GUCY1A2: variants seen among roughly 807,000 people sequenced by gnomAD.
The protein encoded by GUCY1A2 is guanylate cyclase 1 soluble subunit alpha 2.
GUCY1A2 carries 27 observed loss-of-function variants against 63.5 expected under a neutral mutation model. The observed-to-expected ratio is 0.43, with a 90% CI of 0.31 to 0.59. GUCY1A2 has a LOEUF of 0.59. Ranked by LOEUF, GUCY1A2 falls within the 20% of genes least tolerant of loss-of-function variation. The pLI is 0.11. For synonymous variants in GUCY1A2, 364 were observed against 343.5 expected, an observed-to-expected ratio of 1.06 and a Z score of -0.66; for missense variants, 768 against 913.3, an observed-to-expected ratio of 0.84 and a Z score of 2.05.
intron 6 of GUCY1A2, among the ~76,000 whole-genome samples, chr11:106,717,186 C>G (rs1863231495): frequency 6.6e-6 from 1 of 152,202 alleles, no homozygotes; most frequent in African/African-American, 2.4e-5. Flanking sequence ...AAAAGATACT[C>G]TAGCTGTGTG....
At chr11:106,962,179 G>A (rs2120065553) in intron 3 of GUCY1A2, among the ~76,000 whole-genome samples, 1 of 152,214 alleles carries the variant, frequency 6.6e-6, no homozygotes, top group Admixed American at 6.5e-5. Flanking sequence ...CCTATTAACA[G>A]GACTAGATTC....
chr11:106,964,825 A>G (rs1277400781), intron 3 of GUCY1A2, among the ~76,000 whole-genome samples: 1 of 151,874 alleles, frequency 6.6e-6, no homozygotes, highest in East Asian at 1.9e-4. Context: ...TAAAAATACG[A>G]AAAAATTAGC....
intron 4 of GUCY1A2, among the ~76,000 whole-genome samples, chr11:106,933,850 G>A (rs1860639544): frequency 6.6e-6 from 1 of 152,110 alleles, no homozygotes; most frequent in Admixed American, 6.6e-5. Flanking sequence ...ACAAACACAG[G>A]AACGGAAAAC....
intron 6 of GUCY1A2, among the ~76,000 whole-genome samples, chr11:106,732,750 G>A (rs1565162): frequency 0.85 from 129,827 of 152,140 alleles, 55,525 homozygotes; most frequent in East Asian, 0.99. Flanking sequence ...ATTAAGGAAT[G>A]AAATATGATT....
At chr11:106,768,457 C>A (rs760511713) in intron 6 of GUCY1A2, among the ~76,000 whole-genome samples, 1 of 151,970 alleles carries the variant, frequency 6.6e-6, no homozygotes, top group Non-Finnish European at 1.5e-5. Context: ...ATGGAATATT[C>A]AAGGCAATAG....
rs1199876747 is a variant in GUCY1A2 at position 106,678,874 on chromosome 11, C to A, written c.*8675G>T. 1.6e-5 allele frequency: 3 copies of A among 189,130 alleles called. No individual in the cohort carries two copies. The highest frequency in any genetic ancestry group is 3.3e-5 in the Non-Finnish European group (3 of 89,958). 11.7% of individuals were successfully genotyped at this position (189,130 alleles called of 1,614,324 possible). On this transcript the variant is annotated 3_prime_UTR_variant, in exon 8 of 8. Transcript: ENST00000526355. ...TCAATGCCACAATTTTTAAGTCTGT[C>A]ATATTTATGACTTTTTTTCTGTAAC...
At chr11:106,878,325 G>A (rs1859779050) in intron 4 of GUCY1A2, among the ~76,000 whole-genome samples, 1 of 151,962 alleles carries the variant, frequency 6.6e-6, no homozygotes, top group Admixed American at 6.6e-5. Context: ...AGGACACAAG[G>A]AACATCTATG....
chr11:106,971,219 A>ATCTG (rs147769123), intron 3 of GUCY1A2, among the ~76,000 whole-genome samples: 1 of 149,162 alleles, frequency 6.7e-6, no homozygotes, highest in Non-Finnish European at 1.5e-5. Context: ...ACAAATTTAA[A>ATCTG]TGTGTGTGTG....
At chr11:106,993,731 G>A (rs1861500817) in intron 1 of GUCY1A2, among the ~76,000 whole-genome samples, 1 of 152,062 alleles carries the variant, frequency 6.6e-6, no homozygotes, top group African/African-American at 2.4e-5. Context: ...AGTTCTCAGG[G>A]TCATCTTCAA....
At chr11:106,702,146 C>T (rs1285036206) in intron 7 of GUCY1A2, among the ~76,000 whole-genome samples, 1 of 152,094 alleles carries the variant, frequency 6.6e-6, no homozygotes, top group Non-Finnish European at 1.5e-5. Flanking sequence ...AGAACTCACA[C>T]TCTTGCTGTA....
At chr11:106,773,590 G>C (rs1422273711) in intron 6 of GUCY1A2, among the ~76,000 whole-genome samples, 1 of 152,178 alleles carries the variant, frequency 6.6e-6, no homozygotes, top group Non-Finnish European at 1.5e-5. Context: ...ACTTTACCAG[G>C]TGATGCCAAG....
intron 6 of GUCY1A2, among the ~76,000 whole-genome samples, chr11:106,745,935 G>T (rs527768616): frequency 6.6e-6 from 1 of 152,282 alleles, no homozygotes; most frequent in East Asian, 1.9e-4. Flanking sequence ...TTGCTTTGAA[G>T]CTTGCACATT....
intron 4 of GUCY1A2, among the ~76,000 whole-genome samples, chr11:106,886,772 TA>T (rs1355670839): frequency 1.3e-5 from 2 of 152,156 alleles, no homozygotes; most frequent in Non-Finnish European, 2.9e-5. Context: ...TCAAAATCTC[TA>T]AACTGTCAAA....
intron 6 of GUCY1A2, among the ~76,000 whole-genome samples, chr11:106,730,440 A>G (rs1273017764): frequency 6.6e-6 from 1 of 152,042 alleles, no homozygotes; most frequent in Non-Finnish European, 1.5e-5. Flanking sequence ...TTCAAAGAAC[A>G]AGCTCTCATT....
intron 3 of GUCY1A2, among the ~76,000 whole-genome samples, chr11:106,945,013 T>G (rs1175903763): frequency 6.6e-6 from 1 of 152,046 alleles, no homozygotes; most frequent in Admixed American, 6.6e-5. Flanking sequence ...GGACTATAAC[T>G]AAATGAATTA....
intron 5 of GUCY1A2, among the ~76,000 whole-genome samples, chr11:106,801,091 C>A (rs533575482): frequency 9.9e-5 from 15 of 152,176 alleles, no homozygotes; most frequent in African/African-American, 3.6e-4. Flanking sequence ...CCTCTTTAAC[C>A]TCCGGGAGCC....
At chr11:106,738,279 A>G (rs1291728531) in intron 6 of GUCY1A2, among the ~76,000 whole-genome samples, 2 of 152,066 alleles carry the variant, frequency 1.3e-5, no homozygotes, top group Non-Finnish European at 2.9e-5. Context: ...TCTTTGTAGA[A>G]TCTGGGTATT....
intron 4 of GUCY1A2, among the ~76,000 whole-genome samples, chr11:106,871,481 T>C (rs1463373277): frequency 6.6e-6 from 1 of 152,136 alleles, no homozygotes; most frequent in East Asian, 1.9e-4. Context: ...TCAGCAATCC[T>C]TGCTGTCCCT....
At position 106,756,689 on chromosome 11, in the gene GUCY1A2, G is replaced by T. The variant is rs528240827; in HGVS notation, c.1836+19750C>A. Among the ~76,000 whole-genome samples the T allele has an allele frequency of 5.3e-5, 8 of 152,258 alleles. No individual in the cohort carries two copies. In the South Asian group the frequency reaches 1.7e-3, roughly 32 times the overall value. ...GAATATTAGCTCCCACTCTCTTCTG[G>T]CTTTTAGGGTTTTTGCCGAGAGATC... On this transcript the variant is annotated intron_variant, in intron 6 of 7. Coordinates refer to ENST00000526355, the MANE Select transcript of GUCY1A2 (RefSeq NM_000855.3).
Sources: allele counts gnomAD v4.1 joint callset (sites outside exome capture counted in the v4.1 genomes callset), GRCh38; gene constraint gnomAD v4.1.1; transcripts MANE v1.5; gene names NCBI Gene and HGNC (gene_info 2026-07-23, HGNC 2026-07-21).